Variants in RFX3 observed in about 807,000 individuals in gnomAD.
RFX3 encodes the protein transcription factor RFX3.
In RFX3, 14 loss-of-function variants were observed where a neutral mutation model predicts 98.6. The ratio of observed to expected loss-of-function variants is 0.14; its 90% CI spans 0.09 to 0.22. RFX3 has a LOEUF of 0.22. Ranked by LOEUF, RFX3 falls within the 10% of genes least tolerant of loss-of-function variation. The pLI is 1.00. For synonymous variants in RFX3, 383 were observed against 328.4 expected, an observed-to-expected ratio of 1.17 and a Z score of -1.80; for missense variants, 639 against 926.9, an observed-to-expected ratio of 0.69 and a Z score of 4.03.
chr9:3,451,312 GA>G (rs1324736556), intron 1 of RFX3, among the ~76,000 whole-genome samples: 3 of 152,170 alleles, frequency 2.0e-5, no homozygotes, highest in Admixed American at 6.5e-5. Flanking sequence ...TTGGGAGGCT[GA>G]AGTAGGAAGT....
At chr9:3,344,205 TTGAG>T (rs768184069) in intron 3 of RFX3, among the ~76,000 whole-genome samples, 12 of 152,190 alleles carry the variant, frequency 7.9e-5, no homozygotes, top group Admixed American at 2.0e-4. Context: ...CTAATGTTCA[TTGAG>T]TGTGTCCTAC....
intron 3 of RFX3, chr9:3,344,845 G>A (rs781234926): frequency 1.4e-6 from 1 of 715,664 alleles, no homozygotes; most frequent in South Asian, 1.5e-5. Context: ...AGTTTATGGT[G>A]AAGATTCCAA....
At chr9:3,295,203 T>C (rs959508464) in intron 5 of RFX3, among the ~76,000 whole-genome samples, 7 of 151,836 alleles carry the variant, frequency 4.6e-5, no homozygotes, top group Non-Finnish European at 1.0e-4. Context: ...GGACAGCATG[T>C]CTCTTTAGTG....
In RFX3 at chr9:3,219,569, G is replaced by A. The variant is rs1405721236; in HGVS notation, c.*5473C>T. 1 of 151,648 alleles carries A rather than the reference G, an allele frequency of 6.6e-6. No individual in the cohort carries two copies. The highest frequency in any genetic ancestry group is 2.4e-5 in the African/African-American group (1 of 41,252). The allele number at this position is 151,648 out of a possible 1,614,324, so 9.4% of individuals were successfully genotyped here. On this transcript the variant is annotated 3_prime_UTR_variant, in exon 17 of 17. Transcript: ENST00000617270. ...ATATTATCAATTATTTCAAATGAAA[G>A]GAAAAAAAAATCCTAGGCAGTCACT...
At chr9:3,454,876 T>A (rs557321948) in intron 1 of RFX3, among the ~76,000 whole-genome samples, 1 of 152,180 alleles carries the variant, frequency 6.6e-6, no homozygotes, top group African/African-American at 2.4e-5. Context: ...AATAACGTGA[T>A]TTACACAAGG....
intron 4 of RFX3, among the ~76,000 whole-genome samples, chr9:3,309,748 C>A (rs1829750029): frequency 6.6e-6 from 1 of 152,142 alleles, no homozygotes; most frequent in South Asian, 2.1e-4. Context: ...TATAAGGGAA[C>A]ATATTTTTCC....
chr9:3,400,642 A>C (rs1841386969), intron 1 of RFX3, among the ~76,000 whole-genome samples: 1 of 152,198 alleles, frequency 6.6e-6, no homozygotes, highest in South Asian at 2.1e-4. Context: ...CTTGACAGAG[A>C]GGCTCTCTTT....
At chr9:3,369,966 C>G (rs1287304757) in intron 2 of RFX3, among the ~76,000 whole-genome samples, 1 of 149,864 alleles carries the variant, frequency 6.7e-6, no homozygotes, top group African/African-American at 2.4e-5. Context: ...GTAGCTGGGA[C>G]TACAGGCGCC....
intron 2 of RFX3, among the ~76,000 whole-genome samples, chr9:3,347,264 T>G (rs111875267): frequency 0.058 from 8,730 of 151,524 alleles, 543 homozygotes; most frequent in African/African-American, 0.16. Context: ...GAGGTTGCAG[T>G]GAGCCAAGAT....
At chr9:3,510,710 T>C (rs1432980259) in intron 1 of RFX3, among the ~76,000 whole-genome samples, 1 of 152,060 alleles carries the variant, frequency 6.6e-6, no homozygotes, top group African/African-American at 2.4e-5. Flanking sequence ...CATAAGGAAA[T>C]CTATAAATAT....
intron 4 of RFX3, among the ~76,000 whole-genome samples, chr9:3,306,114 G>C (rs1017339698): frequency 2.6e-5 from 4 of 152,068 alleles, no homozygotes; most frequent in Non-Finnish European, 5.9e-5. Context: ...AGGAAATGAT[G>C]ATCAGTTAAC....
chr9:3,516,704 C>T (rs757756345), intron 1 of RFX3, among the ~76,000 whole-genome samples: 19 of 152,128 alleles, frequency 1.2e-4, no homozygotes, highest in Non-Finnish European at 2.4e-4. Context: ...AGAGAGCACA[C>T]ATGCACTAGC....
In RFX3 at chr9:3,422,356, G is replaced by A. The variant is rs577929140; in HGVS notation, c.-8-26760C>T. On this transcript the variant is annotated intron_variant, in intron 1 of 16. Coordinates refer to ENST00000617270, the MANE Select transcript of RFX3 (RefSeq NM_001282116.2). Reference sequence around the variant, plus strand: ...GTTGTTGGTAATGGTGGTGGTAATGGTGGAAGTTCACATGTGTGTGTATTT... The same window carrying A: ...GTTGTTGGTAATGGTGGTGGTAATGATGGAAGTTCACATGTGTGTGTATTT... Among the ~76,000 whole-genome samples, 51 of 152,330 alleles carry A rather than the reference G, an allele frequency of 3.3e-4. 3 individuals are homozygous for A. In the South Asian group the frequency reaches 0.01, roughly 31 times the overall value.
chr9:3,282,442 G>C (rs142225042), intron 7 of RFX3, among the ~76,000 whole-genome samples: 1 of 151,750 alleles, frequency 6.6e-6, no homozygotes, highest in Admixed American at 6.6e-5. Flanking sequence ...AAATTAAATT[G>C]AAATGGGCTA....
At chr9:3,520,162 AT>A (rs1818564755) in intron 1 of RFX3, among the ~76,000 whole-genome samples, 1 of 152,178 alleles carries the variant, frequency 6.6e-6, no homozygotes. Flanking sequence ...GTAGGACTAT[AT>A]TTTTAAAGAA....
At chr9:3,440,349 T>A (rs1845508493) in intron 1 of RFX3, among the ~76,000 whole-genome samples, 1 of 151,992 alleles carries the variant, frequency 6.6e-6, no homozygotes, top group Non-Finnish European at 1.5e-5. Context: ...AGACAGAAAG[T>A]TAGCATCTAT....
intron 15 of RFX3, among the ~76,000 whole-genome samples, chr9:3,240,497 G>C (rs889496670): frequency 1.3e-5 from 2 of 152,124 alleles, no homozygotes; most frequent in Non-Finnish European, 2.9e-5. Flanking sequence ...TCATTAACTG[G>C]AGAGACAATC....
At chr9:3,461,950 T>A (rs1847725552) in intron 1 of RFX3, among the ~76,000 whole-genome samples, 1 of 152,014 alleles carries the variant, frequency 6.6e-6, no homozygotes. Flanking sequence ...TTAAGATATT[T>A]CTTATTTCAG....
chr9:3,326,198 A>G (rs2130819833), intron 4 of RFX3, among the ~76,000 whole-genome samples: 1 of 152,258 alleles, frequency 6.6e-6, no homozygotes, highest in Admixed American at 6.5e-5. Flanking sequence ...TTATACACAC[A>G]TGGACCATAT....
Sources: gnomAD v4.1 joint callset for allele counts (sites outside exome capture counted in the v4.1 genomes callset) on GRCh38, gnomAD v4.1.1 for gene constraint, MANE v1.5 for transcripts, NCBI Gene and HGNC (gene_info 2026-07-23, HGNC 2026-07-21) for gene names.